Variants in TMTC1 observed in about 807,000 individuals in gnomAD.
The protein encoded by TMTC1 is transmembrane O-mannosyltransferase targeting cadherins 1.
A neutral mutation model predicts 104.8 loss-of-function variants in TMTC1; 73 were observed. The ratio of observed to expected loss-of-function variants is 0.70; its 90% CI spans 0.58 to 0.85. The LOEUF (loss-of-function observed/expected upper bound fraction) is 0.85, where lower values mean the gene tolerates loss of function less well. Among genes scored for constraint, TMTC1 ranks in the 40% least tolerant of loss-of-function variants. The pLI, the probability that TMTC1 is intolerant of heterozygous loss-of-function variation, is 0.00. For missense variants in TMTC1, 1,035 were observed against 1,096.1 expected (o/e 0.94, Z 0.79); for synonymous variants, 434 against 428.7 (o/e 1.01, Z -0.15).
chr12:29,780,872 T>C (rs569647052), intron 1 of TMTC1, among the ~76,000 whole-genome samples: 3 of 152,314 alleles, frequency 2.0e-5, no homozygotes, highest in African/African-American at 7.2e-5. Context: ...GGGTTTGAAA[T>C]CTCAAAGTTT....
intron 13 of TMTC1, 133 bp downstream of exon 13, chr12:29,518,338 TA>T: frequency 2.0e-6 from 2 of 977,730 alleles, no homozygotes; most frequent in Non-Finnish European, 2.9e-6. Context: ...TCTTTGGAGA[TA>T]AAAATTTGTA....
intron 5 of TMTC1, among the ~76,000 whole-genome samples, chr12:29,704,254 T>C (rs1941680233): frequency 6.6e-6 from 1 of 152,220 alleles, no homozygotes; most frequent in South Asian, 2.1e-4. Flanking sequence ...AAGAAAATAG[T>C]GATACACTAA....
intron 5 of TMTC1, among the ~76,000 whole-genome samples, chr12:29,638,640 G>A (rs1012570319): frequency 6.6e-6 from 1 of 152,132 alleles, no homozygotes; most frequent in Non-Finnish European, 1.5e-5. Context: ...ACACCCACTG[G>A]TGCTTCAGCA....
intron 5 of TMTC1, among the ~76,000 whole-genome samples, chr12:29,700,782 T>C (rs1049079559): frequency 6.6e-6 from 1 of 152,184 alleles, no homozygotes; most frequent in African/African-American, 2.4e-5. Flanking sequence ...ATGTCCTCAC[T>C]TGAAAAATGG....
chr12:29,640,230 C>A (rs1175235575), intron 5 of TMTC1, among the ~76,000 whole-genome samples: 1 of 152,100 alleles, frequency 6.6e-6, no homozygotes, highest in Non-Finnish European at 1.5e-5. Flanking sequence ...TCCAATTAAC[C>A]GAGCTCAATT....
At chr12:29,677,354 A>T (rs10843479) in intron 5 of TMTC1, among the ~76,000 whole-genome samples, 31,337 of 152,142 alleles carry the variant, frequency 0.21, 3,576 homozygotes, top group East Asian at 0.3. Context: ...TAATAAGCAC[A>T]TCCTGCAGTT....
intron 6 of TMTC1, among the ~76,000 whole-genome samples, chr12:29,629,418 A>G (rs540008852): frequency 6.6e-6 from 1 of 152,200 alleles, no homozygotes; most frequent in African/African-American, 2.4e-5. Context: ...TTTTACATGT[A>G]TGATTGATGT....
At chr12:29,605,571 T>TAAAAA (rs34353381) in intron 6 of TMTC1, among the ~76,000 whole-genome samples, 15 of 101,876 alleles carry the variant, frequency 1.5e-4, no homozygotes, top group Non-Finnish European at 2.0e-4. Context: ...CCAAAAAGGG[T>TAAAAA]AAAAAAAAAA....
chr12:29,638,049 A>G (rs11050334), intron 5 of TMTC1, among the ~76,000 whole-genome samples: 33,156 of 152,016 alleles, frequency 0.22, 4,097 homozygotes, highest in African/African-American at 0.35. Flanking sequence ...TACCGCTGAC[A>G]TGGGAGGCGG....
chr12:29,519,239 A>T (rs1169421385), intron 12 of TMTC1: 2 of 151,996 alleles, frequency 1.3e-5, no homozygotes, highest in Non-Finnish European at 2.9e-5. Flanking sequence ...TTTTGCAGGT[A>T]TTTTTTTATA....
chr12:29,612,907 G>A (rs1044205058), intron 6 of TMTC1, among the ~76,000 whole-genome samples: 1 of 152,178 alleles, frequency 6.6e-6, no homozygotes, highest in Non-Finnish European at 1.5e-5. Context: ...TAATGAAACT[G>A]CCCTTCTTAG....
intron 5 of TMTC1, among the ~76,000 whole-genome samples, chr12:29,653,694 T>C (rs376527476): frequency 6.6e-6 from 1 of 152,168 alleles, no homozygotes; most frequent in Non-Finnish European, 1.5e-5. Context: ...AGCTAATACA[T>C]CTGAATGTCT....
intron 5 of TMTC1, among the ~76,000 whole-genome samples, chr12:29,679,740 A>G (rs144335426): frequency 2.6e-5 from 4 of 152,306 alleles, no homozygotes; most frequent in African/African-American, 9.6e-5. Flanking sequence ...GAGAAAAAGA[A>G]GAAAGGGTAA....
chr12:29,573,408 TTATC>T (rs1945735598), intron 8 of TMTC1, among the ~76,000 whole-genome samples: 2 of 152,182 alleles, frequency 1.3e-5, no homozygotes, highest in Non-Finnish European at 2.9e-5. Flanking sequence ...GTACAGTTGT[TTATC>T]ATCTACATAG....
At chr12:29,688,304 T>G (rs774707687) in intron 5 of TMTC1, among the ~76,000 whole-genome samples, 21 of 152,252 alleles carry the variant, frequency 1.4e-4, no homozygotes, top group Non-Finnish European at 3.1e-4. Context: ...ATGATTTATA[T>G]CTTTATTTCT....
At chr12:29,717,640 G>A (rs545266536) in intron 5 of TMTC1, among the ~76,000 whole-genome samples, 1 of 152,212 alleles carries the variant, frequency 6.6e-6, no homozygotes, top group Non-Finnish European at 1.5e-5. Flanking sequence ...AGGGTTTGAA[G>A]AGAGTTAGCA....
intron 5 of TMTC1, among the ~76,000 whole-genome samples, chr12:29,710,787 T>C (rs1941884979): frequency 8.6e-6 from 1 of 116,026 alleles, no homozygotes; most frequent in African/African-American, 3.2e-5. Context: ...ATAATAAATA[T>C]ATTAATACAT....
intron 7 of TMTC1, 124 bp from the exon 8 acceptor site, chr12:29,583,698 T>C (rs917632852): frequency 7.1e-6 from 6 of 839,866 alleles, no homozygotes; most frequent in Non-Finnish European, 9.0e-6. Context: ...AAATAGAAAC[T>C]CCCCTGCCTT....
In TMTC1 at chr12:29,714,942, G is replaced by A. The variant is rs142676079; in HGVS notation, c.938+36724C>T. 4.1e-3 allele frequency among the ~76,000 whole-genome samples: 629 copies of A among 152,274 alleles called. 3 individuals carry two copies. Among genetic ancestry groups the A allele is most frequent in the African/African-American group, 0.014 (577 of 41,560 alleles). ...CAGTCCAGGAGCCATTTCTAGTTCT[G>A]TTTCCACCTTCTCTTTCACATTAGC... is the stretch of plus-strand genomic sequence containing the variant. On this transcript the variant is annotated intron_variant, in intron 5 of 17. Coordinates refer to ENST00000539277, the MANE Select transcript of TMTC1 (RefSeq NM_001193451.2).
Sources: gnomAD v4.1 joint callset for allele counts (sites outside exome capture counted in the v4.1 genomes callset) on GRCh38, gnomAD v4.1.1 for gene constraint, MANE v1.5 for transcripts, NCBI Gene and HGNC (gene_info 2026-07-23, HGNC 2026-07-21) for gene names.